TRMT13: variants seen among roughly 807,000 people sequenced by gnomAD.
The protein encoded by TRMT13 is tRNA methyltransferase 13.
A neutral mutation model predicts 55.9 loss-of-function variants in TRMT13; 45 were observed. The observed-to-expected ratio is 0.80, with a 90% CI of 0.63 to 1.03. The LOEUF (loss-of-function observed/expected upper bound fraction) is 1.03. Ranked by LOEUF, TRMT13 falls within the 50% of genes least tolerant of loss-of-function variation. The pLI, the probability that TRMT13 is intolerant of heterozygous loss-of-function variation, is 0.00. For synonymous variants in TRMT13, 183 were observed against 196.3 expected, an observed-to-expected ratio of 0.93 and a Z score of 0.57; for missense variants, 513 against 563.9, an observed-to-expected ratio of 0.91 and a Z score of 0.91.
At chr1:100,144,013 G>A (rs754596566) in intron 8 of TRMT13, 56 bp from the exon 9 acceptor site, 19 of 1,430,114 alleles carry the variant, frequency 1.3e-5, no homozygotes, top group Non-Finnish European at 1.9e-5. Context: ...CTTTTGGAAG[G>A]CCACATTAAT....
Position 100,148,743 on chromosome 1 carries a change from G to A in TRMT13, c.1369G>A (p.Asp457Asn). 1 of 1,592,926 alleles carries A rather than the reference G, an allele frequency of 6.3e-7. No individual in the cohort carries two copies. The highest frequency in any genetic ancestry group is 8.5e-7 in the Non-Finnish European group (1 of 1,171,880). The change falls in exon 11 of 11, where the codon GAC becomes AAC. Residue 457 changes from aspartate (D) to asparagine (N), a missense_variant. Around this residue, in one of 3 missense-constraint regions of TRMT13, gnomAD observed 209 missense variants for 255.8 expected, o/e 0.82. Coordinates refer to ENST00000370141, the MANE Select transcript of TRMT13 (RefSeq NM_019083.3). The stretch of plus-strand genomic sequence containing the variant: ...CAGTCCTGCTTTGCAGTACTATACA[G>A]ACCCTCTGGTGTCTTTGGAAAATGT... ...GFSPALQYYTDPLVSLENVLL... is the reference protein window; with the variant it reads ...GFSPALQYYTNPLVSLENVLL...
chr1:100,146,342 T>C (rs1242588392), intron 9 of TRMT13, among the ~76,000 whole-genome samples: 1 of 152,244 alleles, frequency 6.6e-6, no homozygotes, highest in Non-Finnish European at 1.5e-5. Flanking sequence ...GCTTGCTATA[T>C]AACAGGAACA....
rs754653683 is a variant in TRMT13, at chr1:100,140,836, CTT to C, written c.502-15_502-14del. On this transcript the variant is annotated splice_polypyrimidine_tract_variant and intron_variant, in intron 6 of 10. Coordinates refer to ENST00000370141, the MANE Select transcript of TRMT13 (RefSeq NM_019083.3). Reference sequence around the variant, plus strand: ...TGTTTACTCTAGTTTATAAAATAATCTTGTGAAGTTTGCAGGCTTCTATTTTA... The same window carrying C: ...TGTTTACTCTAGTTTATAAAATAATCGTGAAGTTTGCAGGCTTCTATTTTA... The C allele has an allele frequency of 6.2e-7, 1 of 1,604,480 alleles. No homozygotes were observed. Among genetic ancestry groups the C allele is most frequent in the Non-Finnish European group, 8.5e-7 (1 of 1,175,152 alleles).
At chr1:100,147,287 T>A (rs1027346327) in intron 9 of TRMT13, among the ~76,000 whole-genome samples, 2 of 152,256 alleles carry the variant, frequency 1.3e-5, no homozygotes, top group African/African-American at 4.8e-5. Context: ...GTATCCTCAG[T>A]GCTTTGCACA....
intron 1 of TRMT13, among the ~76,000 whole-genome samples, chr1:100,134,968 A>G (rs1244632593): frequency 1.3e-5 from 2 of 152,266 alleles, no homozygotes; most frequent in East Asian, 3.9e-4. Flanking sequence ...AGTGTCATAT[A>G]TAGCTGTGAT....
chr1:100,149,022 G>A lies in TRMT13; in HGVS notation c.*202G>A, dbSNP rs745969278. 3 of 1,553,702 alleles carry A rather than the reference G, an allele frequency of 1.9e-6. No homozygotes were observed. Among genetic ancestry groups the A allele is most frequent in the Middle Eastern group, 3.4e-4 (2 of 5,882 alleles). ...GAATTCACCAAAGTAATCCTCTTTA[G>A]AAGGGCATCTTGAATTATATTATCC... On this transcript the variant is annotated 3_prime_UTR_variant, in exon 11 of 11. Coordinates refer to ENST00000370141, the MANE Select transcript of TRMT13 (RefSeq NM_019083.3).
intron 5 of TRMT13, 58 bp from the exon 6 acceptor site, chr1:100,140,350 C>A (rs750636958): frequency 1.9e-6 from 3 of 1,561,614 alleles, no homozygotes; most frequent in South Asian, 1.1e-5. Flanking sequence ...TACTATTGTT[C>A]AGAATCCTAC....
intron 1 of TRMT13, among the ~76,000 whole-genome samples, chr1:100,134,177 A>G (rs1290168768): frequency 1.3e-5 from 2 of 152,220 alleles, no homozygotes; most frequent in Non-Finnish European, 2.9e-5. Context: ...TTTACAATTG[A>G]GAACAAAGCA....
chr1:100,140,212 T>C lies in TRMT13; in HGVS notation c.355T>C (p.Leu119=), dbSNP rs1570737201. 6.2e-7 allele frequency: 1 copy of C among 1,612,190 alleles called. No homozygotes were observed. Among genetic ancestry groups the C allele is most frequent in the African/African-American group, 1.3e-5 (1 of 74,822 alleles). ...AATTTCTTCTCTATCTGAAGAGCAG[T>C]TGGAAAAGTTAATTAAGAAATTGAG... The part of the protein sequence containing the change: ...VPISSLSEEQ[L]EKLIKKLRKA... The change falls in exon 5 of 11, where the codon TTG becomes CTG. Residue 119 remains leucine (L), a synonymous_variant. Transcript: ENST00000370141.
intron 7 of TRMT13, among the ~76,000 whole-genome samples, chr1:100,141,672 C>T (rs1570740188): frequency 6.6e-6 from 1 of 152,260 alleles, no homozygotes; most frequent in Non-Finnish European, 1.5e-5. Flanking sequence ...CAGGCAAATA[C>T]ATAAATGATT....
rs1570744733 is a variant in TRMT13 at position 100,144,256 on chromosome 1, A to T, written c.817+113A>T. The T allele has an allele frequency of 5.4e-6, 4 of 747,660 alleles. No homozygotes were observed. In the East Asian group the frequency reaches 1.1e-4, roughly 20 times the overall value. 46.3% of individuals were successfully genotyped at this position (747,660 alleles called of 1,614,324 possible). ...AGATATCTTATGTTTACAACTCAAT[A>T]ATCTTTATAGAGCACTGGCCCTGTG... is the stretch of plus-strand genomic sequence containing the variant. On this transcript the variant is annotated intron_variant, in intron 9 of 10. Coordinates refer to ENST00000370141, the MANE Select transcript of TRMT13 (RefSeq NM_019083.3).
Position 100,147,930 on chromosome 1 carries a change from CCA to C in TRMT13, c.855_856del (p.Ser286PhefsTer2). 1 of 1,610,732 alleles carries C rather than the reference CCA, an allele frequency of 6.2e-7. No individual in the cohort carries two copies. Among genetic ancestry groups the C allele is most frequent in the Non-Finnish European group, 8.5e-7 (1 of 1,178,688 alleles). ...CGATGTTTGGTTGAAACCTATGCTG[CCA>C]GTTTTGAGGAAAGGAATGAAGAACC... is the stretch of plus-strand genomic sequence containing the variant. On this transcript the variant is annotated frameshift_variant, in exon 10 of 11. Transcript: ENST00000370141. LOFTEE classifies it high-confidence loss of function.
intron 1 of TRMT13, among the ~76,000 whole-genome samples, chr1:100,136,070 C>A (rs1472015229): frequency 5.9e-5 from 9 of 152,076 alleles, no homozygotes; most frequent in Admixed American, 3.3e-4. Flanking sequence ...GTTTGTGTTA[C>A]TATACTGTAT....
At chr1:100,138,343 CCTGGAGCACT>C (rs1473616626) in intron 3 of TRMT13, among the ~76,000 whole-genome samples, 2 of 152,128 alleles carry the variant, frequency 1.3e-5, no homozygotes, top group African/African-American at 4.8e-5. Context: ...ACGTAAGTTA[CCTGGAGCACT>C]CTTGGCAACC....
At chr1:100,133,361 G>T (rs914418518) in intron 1 of TRMT13, 46 bp downstream of exon 1, 3 of 1,587,064 alleles carry the variant, frequency 1.9e-6, no homozygotes, top group Non-Finnish European at 2.6e-6. Context: ...TAAGTATCCT[G>T]GTCCTGTCGG....
chr1:100,142,726 T>C (rs1462428808), intron 7 of TRMT13, among the ~76,000 whole-genome samples: 2 of 152,192 alleles, frequency 1.3e-5, no homozygotes, highest in Non-Finnish European at 2.9e-5. Flanking sequence ...GAGCCACAAA[T>C]GTAGATCAGC....
intron 1 of TRMT13, among the ~76,000 whole-genome samples, chr1:100,136,572 A>G (rs1032587928): frequency 7.9e-5 from 12 of 152,230 alleles, no homozygotes; most frequent in African/African-American, 2.9e-4. Flanking sequence ...GGTTGTGCAT[A>G]AAATAGTCAT....
chr1:100,147,333 A>T (rs1017542276), intron 9 of TRMT13, among the ~76,000 whole-genome samples: 2 of 152,264 alleles, frequency 1.3e-5, no homozygotes, highest in African/African-American at 4.8e-5. Context: ...TAAATAAATG[A>T]ATAAATACAG....
intron 1 of TRMT13, among the ~76,000 whole-genome samples, chr1:100,135,331 G>T (rs1655677216): frequency 6.6e-6 from 1 of 151,772 alleles, no homozygotes; most frequent in Non-Finnish European, 1.5e-5. Flanking sequence ...CAGCAATAAG[G>T]AAGAAATTAT....
Sources: gnomAD v4.1 joint callset for allele counts (sites outside exome capture counted in the v4.1 genomes callset) on GRCh38, gnomAD v4.1.1 for gene constraint, gnomAD v4.1.1 regional missense constraint, MANE v1.5 for transcripts, NCBI Gene and HGNC (gene_info 2026-07-23, HGNC 2026-07-21) for gene names.